The following HMGB1 variants were observed in gnomAD, a reference collection of about 807,000 sequenced individuals.
The protein encoded by HMGB1 is high mobility group box 1.
For missense variants in HMGB1, 79 were observed against 253.5 expected, an observed-to-expected ratio of 0.31 and a Z score of 4.67; for synonymous variants, 81 against 84.0, an observed-to-expected ratio of 0.96 and a Z score of 0.19.
intron 1 of HMGB1, among the ~76,000 whole-genome samples, chr13:30,614,565 A>T (rs949697483): frequency 6.6e-6 from 1 of 152,246 alleles, no homozygotes; most frequent in African/African-American, 2.4e-5. Context: ...GTGTAAGGTC[A>T]CACAGCAGAA....
chr13:30,602,152 C>A (rs1950409593), intron 1 of HMGB1, among the ~76,000 whole-genome samples: 1 of 152,110 alleles, frequency 6.6e-6, no homozygotes, highest in African/African-American at 2.4e-5. Flanking sequence ...GCACCACAGC[C>A]TCAGACATGT....
chr13:30,474,960 T>TTTG (rs1565999247), intron 1 of HMGB1, among the ~76,000 whole-genome samples: 6 of 17,788 alleles, frequency 3.4e-4, no homozygotes, highest in African/African-American at 7.3e-4. Context: ...TCTTTTTTTG[T>TTTG]TTTTTTTTTT....
chr13:30,478,305 G>T (rs949697227), intron 1 of HMGB1, among the ~76,000 whole-genome samples: 1 of 152,116 alleles, frequency 6.6e-6, no homozygotes, highest in Non-Finnish European at 1.5e-5. Context: ...CCTGTGAATA[G>T]ACACACTCCA....
intron 1 of HMGB1, among the ~76,000 whole-genome samples, chr13:30,546,033 C>T (rs1347063525): frequency 1.3e-5 from 2 of 152,192 alleles, no homozygotes; most frequent in Non-Finnish European, 2.9e-5. Context: ...GCTATTGAGC[C>T]ACTAGTTGTT....
intron 1 of HMGB1, among the ~76,000 whole-genome samples, chr13:30,513,197 CA>C: frequency 6.6e-6 from 1 of 151,996 alleles, no homozygotes; most frequent in East Asian, 1.9e-4. Flanking sequence ...AACAAAAACC[CA>C]AAAAACCCCA....
chr13:30,536,361 T>A (rs1290391211), intron 1 of HMGB1, among the ~76,000 whole-genome samples: 1 of 152,186 alleles, frequency 6.6e-6, no homozygotes, highest in Non-Finnish European at 1.5e-5. Flanking sequence ...AATTTCCCAA[T>A]ATGTATATTT....
In HMGB1 at chr13:30,563,468, G is replaced by A. The variant is rs116018439; in HGVS notation, c.-15+53203C>T. On this transcript the variant is annotated intron_variant, in intron 1 of 4. Transcript: ENST00000405805. ...TCTAAAAAATTTTAAAATTAGCTGG[G>A]TGTGGTGGCAGACACCTGTAGTCCC... Among the ~76,000 whole-genome samples, 717 of 152,188 alleles carry A rather than the reference G, an allele frequency of 4.7e-3. 5 individuals are homozygous for A. Among genetic ancestry groups the A allele is most frequent in the African/African-American group, 0.016 (675 of 41,500 alleles).
intron 4 of HMGB1, among the ~76,000 whole-genome samples, chr13:30,462,053 A>AT (rs1886378308): frequency 6.6e-6 from 1 of 152,244 alleles, no homozygotes; most frequent in Admixed American, 6.5e-5. Context: ...TTACTGAACT[A>AT]TAAGAGTTAT....
intron 1 of HMGB1, among the ~76,000 whole-genome samples, chr13:30,573,645 A>G (rs1870524519): frequency 6.9e-6 from 1 of 145,840 alleles, no homozygotes; most frequent in Non-Finnish European, 1.5e-5. Context: ...TGAATCTAGC[A>G]TTTTCTTTTT....
chr13:30,512,760 G>A (rs545097711), intron 1 of HMGB1, among the ~76,000 whole-genome samples: 101 of 152,276 alleles, frequency 6.6e-4, no homozygotes, highest in Non-Finnish European at 1.2e-3. Context: ...CCAGGACCAC[G>A]GTAAACTGAC....
intron 4 of HMGB1, chr13:30,461,734 T>C: frequency 1.4e-6 from 2 of 1,383,726 alleles, no homozygotes; most frequent in Non-Finnish European, 2.0e-6. Flanking sequence ...TAACAATCTA[T>C]AACTCATGAA....
chr13:30,512,179 A>T (rs1424796778), intron 1 of HMGB1, among the ~76,000 whole-genome samples: 2 of 152,122 alleles, frequency 1.3e-5, no homozygotes, highest in Admixed American at 1.3e-4. Flanking sequence ...TGGCAAGAGT[A>T]AATCAAAAGG....
upstream of HMGB1, among the ~76,000 whole-genome samples, chr13:30,469,535 C>T (rs553979557): frequency 3.2e-3 from 192 of 59,244 alleles, 59 homozygotes; most frequent in Non-Finnish European, 8.3e-3. Flanking sequence ...GGCATGATCA[C>T]GGCTCACTGC....
upstream of HMGB1, among the ~76,000 whole-genome samples, chr13:30,467,352 T>C (rs1886817387): frequency 6.6e-6 from 1 of 152,242 alleles, no homozygotes; most frequent in Non-Finnish European, 1.5e-5. Context: ...CTTATAAGCA[T>C]CCATAACCTA....
chr13:30,556,969 A>G (rs1020049331), intron 1 of HMGB1, among the ~76,000 whole-genome samples: 10 of 152,252 alleles, frequency 6.6e-5, no homozygotes, highest in Admixed American at 3.3e-4. Context: ...TCTGATAACT[A>G]TAAATTATAT....
intron 1 of HMGB1, among the ~76,000 whole-genome samples, chr13:30,530,447 C>A (rs1270817152): frequency 6.6e-6 from 1 of 152,162 alleles, no homozygotes; most frequent in African/African-American, 2.4e-5. Context: ...CATACATGTA[C>A]TGCTGGGAAT....
chr13:30,514,334 C>T (rs548429369), intron 1 of HMGB1, among the ~76,000 whole-genome samples: 91 of 148,426 alleles, frequency 6.1e-4, no homozygotes, highest in Non-Finnish European at 8.2e-4. Flanking sequence ...ATTATTATCC[C>T]TCAGGGTCTA....
At chr13:30,570,964 A>ATAT (rs1870398222) in intron 1 of HMGB1, among the ~76,000 whole-genome samples, 1 of 152,252 alleles carries the variant, frequency 6.6e-6, no homozygotes, top group African/African-American at 2.4e-5. Context: ...AAGATTTTTC[A>ATAT]CATAAATCAA....
intron 1 of HMGB1, among the ~76,000 whole-genome samples, chr13:30,536,014 A>G (rs1465379236): frequency 6.6e-6 from 1 of 152,250 alleles, no homozygotes; most frequent in Non-Finnish European, 1.5e-5. Context: ...CCAATAACGT[A>G]ATTCAGAAAA....
Sources: gnomAD v4.1 joint callset for allele counts (sites outside exome capture counted in the v4.1 genomes callset) on GRCh38, gnomAD v4.1.1 for gene constraint, MANE v1.5 for transcripts, NCBI Gene and HGNC (gene_info 2026-07-23, HGNC 2026-07-21) for gene names.